Variants in MYO18B observed in about 807,000 individuals in gnomAD.
The protein encoded by MYO18B is myosin XVIIIB, also known as unconventional myosin-XVIIIb.
A neutral mutation model predicts 273.0 loss-of-function variants in MYO18B; 204 were observed. The observed-to-expected ratio is 0.75, with a 90% CI of 0.67 to 0.84. MYO18B has a LOEUF of 0.84. Ranked by LOEUF, MYO18B falls within the 40% of genes least tolerant of loss-of-function variation. The probability of loss-of-function intolerance (pLI) is 0.00; values close to 1 mark genes in which losing one functional copy is unlikely to be tolerated. For missense variants in MYO18B, 3,212 were observed against 3,287.6 expected, an observed-to-expected ratio of 0.98 and a Z score of 0.56; for synonymous variants, 1,330 against 1,305.7, an observed-to-expected ratio of 1.02 and a Z score of -0.40.
chr22:25,778,757 G>T (rs1247683431), intron 8 of MYO18B, among the ~76,000 whole-genome samples: 1 of 151,422 alleles, frequency 6.6e-6, no homozygotes, highest in African/African-American at 2.4e-5. Context: ...CTTCAAAAGT[G>T]CTGGGATTAT....
chr22:25,846,155 G>A lies in MYO18B; in HGVS notation c.3424G>A (p.Ala1142Thr), dbSNP rs756405222. 3.1e-5 allele frequency: 50 copies of A among 1,608,794 alleles called. No homozygotes were observed. The highest frequency in any genetic ancestry group is 4.0e-5 in the Non-Finnish European group (47 of 1,178,486). ...GGCCAAGCTGCCTCCTGTGTGCCGG[G>A]CTGTGGCAGGCCTGGAGGGCACCTC... ...ARAKLPPVCR[A>T]VAGLEGTSQQ... Residue 1142 changes from alanine (A) to threonine (T), a missense_variant, in exon 19 of 44, where the codon GCT becomes ACT. Ala to Thr is a moderately conservative substitution (Grantham distance 58, BLOSUM62 0). Coordinates refer to ENST00000335473, the MANE Select transcript of MYO18B (RefSeq NM_032608.7).
chr22:25,823,706 G>T (rs754516887), intron 13 of MYO18B, 28 bp downstream of exon 13: 1 of 1,612,664 alleles, frequency 6.2e-7, no homozygotes, highest in African/African-American at 1.3e-5. Context: ...CTTTGGGTGA[G>T]CTGGGCCCCC....
At chr22:25,988,775 T>A (rs1020673946) in intron 39 of MYO18B, among the ~76,000 whole-genome samples, 1 of 152,174 alleles carries the variant, frequency 6.6e-6, no homozygotes, top group African/African-American at 2.4e-5. Flanking sequence ...GCCAAGCTCA[T>A]TTACTCCTCG....
intron 38 of MYO18B, among the ~76,000 whole-genome samples, chr22:25,954,830 G>A (rs2092830135): frequency 6.6e-6 from 1 of 152,080 alleles, no homozygotes; most frequent in Admixed American, 6.5e-5. Context: ...TCATGCCTCA[G>A]CCTCCCAAGT....
chr22:25,940,500 G>A (rs2146550496), intron 34 of MYO18B, among the ~76,000 whole-genome samples: 1 of 152,260 alleles, frequency 6.6e-6, no homozygotes, highest in South Asian at 2.1e-4. Flanking sequence ...AATACGCATG[G>A]GAAAAATCAA....
chr22:25,760,434 A>AAAAAAAAAAAAAAAAAAAC (rs59165419), intron 1 of MYO18B, among the ~76,000 whole-genome samples: 1 of 111,530 alleles, frequency 9.0e-6, no homozygotes, highest in Non-Finnish European at 1.8e-5. Flanking sequence ...AAAAAAAAAA[A>AAAAAAAAAAAAAAAAAAAC]CACAAAAACA....
chr22:25,906,199 T>G (rs1283939859), intron 31 of MYO18B, among the ~76,000 whole-genome samples: 1 of 152,160 alleles, frequency 6.6e-6, no homozygotes, highest in Non-Finnish European at 1.5e-5. Context: ...ATACAACACT[T>G]TTTCCAGGGA....
intron 12 of MYO18B, among the ~76,000 whole-genome samples, chr22:25,816,323 G>A (rs2089002522): frequency 6.6e-6 from 1 of 152,130 alleles, no homozygotes. Context: ...TATGCATCCT[G>A]CCCGTATAAC....
the MYO18B span, among the ~76,000 whole-genome samples, chr22:26,044,107 A>G: frequency 1.3e-5 from 2 of 152,218 alleles, no homozygotes; most frequent in Non-Finnish European, 2.9e-5. Flanking sequence ...ACCCATTTTC[A>G]AGAACTTATT....
At chr22:25,838,885 ATATATC>A (rs1039157833) in intron 17 of MYO18B, among the ~76,000 whole-genome samples, 3 of 151,972 alleles carry the variant, frequency 2.0e-5, no homozygotes, top group African/African-American at 2.4e-5. Context: ...ATATATATAT[ATATATC>A]TGTGTCTATA....
chr22:25,762,980 G>A (rs770964034), intron 2 of MYO18B: 3 of 663,644 alleles, frequency 4.5e-6, no homozygotes, highest in Non-Finnish European at 8.6e-6. Flanking sequence ...CACAAGGAGA[G>A]TGGATCCAGG....
At chr22:26,004,639 T>C in intron 41 of MYO18B, 79 bp from the exon 42 acceptor site, 1 of 1,552,334 alleles carries the variant, frequency 6.4e-7, no homozygotes, top group Non-Finnish European at 8.8e-7. Flanking sequence ...ATGCCTGGCT[T>C]ATGCTATGGG....
chr22:25,792,497 C>CTTTCTTT lies in MYO18B; in HGVS notation c.2377-5453_2377-5452insCTTTTTT, dbSNP rs1472550571. Among the ~76,000 whole-genome samples the CTTTCTTT allele has an allele frequency of 2.9e-3, 316 of 107,938 alleles. 5 individuals carry two copies. The highest frequency in any genetic ancestry group is 0.01 in the African/African-American group (281 of 27,402). The allele number at this position is 107,938 out of a possible 152,430, so 70.8% of individuals were successfully genotyped here. On this transcript the variant is annotated intron_variant, in intron 11 of 43. Coordinates refer to ENST00000335473, the MANE Select transcript of MYO18B (RefSeq NM_032608.7). ...GTGATGTTTCTTTTTTTTTTCTTTT[C>CTTTCTTT]TTTTTTTTTTTTTTTTGAGACAGAG...
chr22:26,045,623 G>C, the MYO18B span, among the ~76,000 whole-genome samples: 3 of 152,206 alleles, frequency 2.0e-5, no homozygotes, highest in Non-Finnish European at 4.4e-5. Flanking sequence ...TTATCCGAGG[G>C]CTGCACCCCA....
chr22:26,050,689 T>G, the MYO18B span, among the ~76,000 whole-genome samples: 125 of 152,352 alleles, frequency 8.2e-4, no homozygotes, highest in Admixed American at 3.3e-3. Flanking sequence ...ATGCTTTATC[T>G]TTAGTTTTCT....
chr22:25,964,439 C>T (rs571940668), intron 39 of MYO18B, among the ~76,000 whole-genome samples: 16 of 152,258 alleles, frequency 1.1e-4, no homozygotes, highest in East Asian at 5.8e-4. Context: ...ATTTTAGATA[C>T]GCAGTGTTTA....
At chr22:25,929,624 T>C (rs1368563395) in intron 34 of MYO18B, among the ~76,000 whole-genome samples, 1 of 152,072 alleles carries the variant, frequency 6.6e-6, no homozygotes, top group Non-Finnish European at 1.5e-5. Flanking sequence ...TTCTGTTAGA[T>C]AGAGAAGGAT....
chr22:25,998,342 G>A (rs1025018421), intron 40 of MYO18B, among the ~76,000 whole-genome samples: 1 of 152,192 alleles, frequency 6.6e-6, no homozygotes. Context: ...GGCTGCGGCT[G>A]CTCTGTCTGT....
Position 25,908,409 on chromosome 22 carries a change from G to A in MYO18B, c.5236G>A (p.Val1746Ile), listed in dbSNP as rs751234342. ...REDQEEELED[V>I]RQSCQKRLHQ... is the part of the protein sequence containing the mutation. ...GGACCAGGAGGAGGAACTGGAGGAT[G>A]TCCGTCAGTCCTGCCAGAAGCGGGT... is the stretch of plus-strand genomic sequence containing the variant. Residue 1746 changes from valine to isoleucine, a missense_variant, in exon 32 of 44, where the codon GTC (valine) becomes ATC (isoleucine). By Grantham distance (29) the Val-to-Ile change is conservative. Transcript: ENST00000335473. 1.9e-6 allele frequency: 3 copies of A among 1,595,982 alleles called. No homozygotes were observed. Among genetic ancestry groups the A allele is most frequent in the Non-Finnish European group, 2.6e-6 (3 of 1,171,526 alleles).
Sources: gnomAD v4.1 joint callset for allele counts (sites outside exome capture counted in the v4.1 genomes callset) on GRCh38, gnomAD v4.1.1 for gene constraint, MANE v1.5 for transcripts, NCBI Gene and HGNC (gene_info 2026-07-23, HGNC 2026-07-21) for gene names.